The following CSMD3 variants were observed in gnomAD, a reference collection of about 807,000 sequenced individuals.
CSMD3 encodes the protein CUB and Sushi multiple domains 3, also known as CUB and sushi domain-containing protein 3.
A neutral mutation model predicts 435.2 loss-of-function variants in CSMD3; 177 were observed. That is an observed-to-expected ratio of 0.41 (90% CI 0.36 to 0.46). CSMD3 has a LOEUF of 0.46. Ranked by LOEUF, CSMD3 falls within the 20% of genes least tolerant of loss-of-function variation. The pLI is 0.34. For missense variants in CSMD3, 4,265 were observed against 4,504.6 expected, an observed-to-expected ratio of 0.95 and a Z score of 1.52; for synonymous variants, 1,656 against 1,520.5, an observed-to-expected ratio of 1.09 and a Z score of -2.07.
At chr8:112,670,287 T>C (rs1328850736) in intron 16 of CSMD3, among the ~76,000 whole-genome samples, 2 of 152,154 alleles carry the variant, frequency 1.3e-5, no homozygotes, top group African/African-American at 4.8e-5. Context: ...GCAATTACCT[T>C]TTCTGGGGAA....
At chr8:112,692,496 T>A (rs2076159184) in intron 13 of CSMD3, among the ~76,000 whole-genome samples, 1 of 152,150 alleles carries the variant, frequency 6.6e-6, no homozygotes, top group African/African-American at 2.4e-5. Context: ...TATATTCAGT[T>A]CAATTTGTTA....
chr8:112,669,820 T>C lies in CSMD3; in HGVS notation c.2678-3405A>G, dbSNP rs543604244. Reference sequence around the variant, plus strand: ...TGTCAGGCACCCTCAGATTATTTTATATAATGCTCAAAATAATCTAGCCAG... The same window carrying C: ...TGTCAGGCACCCTCAGATTATTTTACATAATGCTCAAAATAATCTAGCCAG... On this transcript the variant is annotated intron_variant, in intron 16 of 70. Transcript: ENST00000297405. 4.0e-4 allele frequency among the ~76,000 whole-genome samples: 61 copies of C among 152,294 alleles called. No individual in the cohort carries two copies. In the South Asian group the frequency reaches 0.013, roughly 32 times the overall value.
intron 27 of CSMD3, among the ~76,000 whole-genome samples, chr8:112,526,715 A>G (rs960747774): frequency 6.6e-6 from 1 of 151,886 alleles, no homozygotes; most frequent in Non-Finnish European, 1.5e-5. Flanking sequence ...GCCTTTGCTC[A>G]CTTTAAATAT....
At chr8:113,116,917 TGA>T (rs1404171878) in intron 4 of CSMD3, among the ~76,000 whole-genome samples, 2 of 152,024 alleles carry the variant, frequency 1.3e-5, no homozygotes, top group South Asian at 4.1e-4. Context: ...GATTTGAACT[TGA>T]GAGAGATGAT....
At chr8:113,408,647 G>A (rs1227497628) in intron 1 of CSMD3, among the ~76,000 whole-genome samples, 1 of 151,504 alleles carries the variant, frequency 6.6e-6, no homozygotes, top group African/African-American at 2.4e-5. Flanking sequence ...ATTTCCACGT[G>A]ACAAGGAGTT....
At chr8:112,289,636 G>A in intron 56 of CSMD3, 98 bp from the exon 57 acceptor site, 1 of 795,826 alleles carries the variant, frequency 1.3e-6, no homozygotes, top group Non-Finnish European at 2.0e-6. Flanking sequence ...TAAATGTTCT[G>A]CTGAAACATC....
At chr8:113,397,924 G>T (rs1039285920) in intron 1 of CSMD3, among the ~76,000 whole-genome samples, 1 of 152,066 alleles carries the variant, frequency 6.6e-6, no homozygotes, top group East Asian at 1.9e-4. Context: ...GGTTTTGCTT[G>T]AATATTATGT....
intron 10 of CSMD3, among the ~76,000 whole-genome samples, chr8:112,917,611 A>T (rs2082611973): frequency 6.6e-6 from 1 of 151,946 alleles, no homozygotes. Context: ...CCCACCACCA[A>T]CACATTGTCT....
At chr8:112,381,611 G>A (rs1365597964) in intron 37 of CSMD3, among the ~76,000 whole-genome samples, 4 of 152,116 alleles carry the variant, frequency 2.6e-5, no homozygotes, top group African/African-American at 9.7e-5. Context: ...TTCTATGGAA[G>A]AACAGAAAGA....
At chr8:112,402,164 T>C (rs976715194) in intron 35 of CSMD3, among the ~76,000 whole-genome samples, 1 of 152,224 alleles carries the variant, frequency 6.6e-6, no homozygotes, top group African/African-American at 2.4e-5. Flanking sequence ...TTTCTTGTTT[T>C]ATTGGTATGG....
At chr8:112,893,410 C>T (rs1056300746) in intron 10 of CSMD3, among the ~76,000 whole-genome samples, 1 of 151,370 alleles carries the variant, frequency 6.6e-6, no homozygotes, top group Non-Finnish European at 1.5e-5. Context: ...AAGTGCAATT[C>T]CCAACAATAA....
chr8:113,087,572 A>T lies in CSMD3; in HGVS notation c.917+11184T>A, dbSNP rs369045361. Among the ~76,000 whole-genome samples, 5 of 152,134 alleles carry T rather than the reference A, an allele frequency of 3.3e-5. No individual in the cohort carries two copies. The East Asian group carries it at 5.8e-4, about 18-fold the overall frequency. On this transcript the variant is annotated intron_variant, in intron 5 of 70. Coordinates refer to ENST00000297405, the MANE Select transcript of CSMD3 (RefSeq NM_198123.2). ...AATGCCGCATATCTACAACTATCTG[A>T]TCTTTGACAAACCTGACAAAAACAA...
At position 113,248,547 on chromosome 8, in the gene CSMD3, TATAC is replaced by T. The variant is rs201223603; in HGVS notation, c.514+30041_514+30044del. On this transcript the variant is annotated intron_variant, in intron 3 of 70. Coordinates refer to ENST00000297405, the MANE Select transcript of CSMD3 (RefSeq NM_198123.2). ...ATATATATGTATATACATATATATA[TATAC>T]ACACACATGTGGAGGAAATAAATTG... is the stretch of plus-strand genomic sequence containing the variant. Among the ~76,000 whole-genome samples, 223 of 146,548 alleles carry T rather than the reference TATAC, an allele frequency of 1.5e-3. 1 individual carries two copies. Among genetic ancestry groups the T allele is most frequent in the African/African-American group, 5.3e-3 (214 of 40,364 alleles).
intron 9 of CSMD3, among the ~76,000 whole-genome samples, chr8:112,934,617 A>G (rs2083220394): frequency 6.6e-6 from 1 of 152,186 alleles, no homozygotes; most frequent in Non-Finnish European, 1.5e-5. Context: ...TCTGAGTCCA[A>G]GGTTTGAGAA....
intron 13 of CSMD3, among the ~76,000 whole-genome samples, chr8:112,726,219 A>G (rs1238271509): frequency 6.6e-6 from 1 of 152,002 alleles, no homozygotes; most frequent in East Asian, 1.9e-4. Context: ...TATAGGGATT[A>G]TGGAGATTAT....
intron 54 of CSMD3, among the ~76,000 whole-genome samples, chr8:112,292,947 T>C (rs1563748449): frequency 6.6e-6 from 1 of 152,144 alleles, no homozygotes; most frequent in Admixed American, 6.6e-5. Context: ...ATTGTGATAA[T>C]TTTATGCAAG....
At chr8:112,585,077 C>T (rs1158101155) in intron 23 of CSMD3, among the ~76,000 whole-genome samples, 7 of 151,500 alleles carry the variant, frequency 4.6e-5, no homozygotes, top group Admixed American at 3.3e-4. Context: ...CATTAAGCAT[C>T]TTACCTCTTA....
chr8:112,960,309 A>G (rs2084180527), intron 7 of CSMD3, among the ~76,000 whole-genome samples: 1 of 151,746 alleles, frequency 6.6e-6, no homozygotes, highest in Non-Finnish European at 1.5e-5. Context: ...AAGAAACTAT[A>G]CTGCTGCTAG....
At chr8:112,984,563 A>G (rs1049475094) in intron 6 of CSMD3, among the ~76,000 whole-genome samples, 1 of 152,040 alleles carries the variant, frequency 6.6e-6, no homozygotes, top group Admixed American at 6.6e-5. Context: ...TACAAATTAG[A>G]AGGTTAATTA....
Sources: gnomAD v4.1 joint callset for allele counts (sites outside exome capture counted in the v4.1 genomes callset) on GRCh38, gnomAD v4.1.1 for gene constraint, MANE v1.5 for transcripts, NCBI Gene and HGNC (gene_info 2026-07-23, HGNC 2026-07-21) for gene names.